Variants in PTPRD observed in about 807,000 individuals in gnomAD.
The protein encoded by PTPRD is receptor-type tyrosine-protein phosphatase delta.
PTPRD carries 34 observed loss-of-function variants against 214.5 expected under a neutral mutation model. The observed-to-expected ratio is 0.16, with a 90% CI of 0.12 to 0.21. The LOEUF is 0.21. Ranked by LOEUF, PTPRD falls within the 10% of genes least tolerant of loss-of-function variation. The pLI, the probability that PTPRD is intolerant of heterozygous loss-of-function variation, is 1.00. For synonymous variants in PTPRD, 1,128 were observed against 845.7 expected (o/e 1.33, Z -5.79); for missense variants, 2,545 against 2,398.7 (o/e 1.06, Z -1.27).
At chr9:10,023,209 T>C (rs1034948131) in intron 4 of PTPRD, among the ~76,000 whole-genome samples, 7 of 152,188 alleles carry the variant, frequency 4.6e-5, no homozygotes, top group African/African-American at 1.4e-4. Flanking sequence ...TTACGACTAA[T>C]CAAATTAGAA....
intron 10 of PTPRD, among the ~76,000 whole-genome samples, chr9:9,100,062 A>T (rs1384837697): frequency 6.6e-6 from 1 of 152,150 alleles, no homozygotes; most frequent in East Asian, 1.9e-4. Flanking sequence ...TCTTTTTGTG[A>T]TGATTATAAT....
chr9:8,825,587 G>A (rs1266429300), intron 11 of PTPRD, among the ~76,000 whole-genome samples: 1 of 152,194 alleles, frequency 6.6e-6, no homozygotes, highest in Non-Finnish European at 1.5e-5. Context: ...AAGTTTAAAA[G>A]AGAGGGTTCT....
At chr9:9,210,668 C>T (rs1258949510) in intron 9 of PTPRD, among the ~76,000 whole-genome samples, 2 of 152,010 alleles carry the variant, frequency 1.3e-5, no homozygotes, top group Non-Finnish European at 2.9e-5. Context: ...AAATGACTTG[C>T]CACATGCCAC....
intron 8 of PTPRD, among the ~76,000 whole-genome samples, chr9:9,482,127 C>A (rs1270984461): frequency 6.6e-6 from 1 of 151,864 alleles, no homozygotes; most frequent in African/African-American, 2.4e-5. Context: ...GAGGTACAGA[C>A]AGGTGGGCGA....
At chr9:10,610,539 C>T (rs1567200509) in intron 2 of PTPRD, among the ~76,000 whole-genome samples, 1 of 151,634 alleles carries the variant, frequency 6.6e-6, no homozygotes, top group Admixed American at 6.6e-5. Flanking sequence ...CAGATAGCCT[C>T]TCGGACATGT....
intron 12 of PTPRD, among the ~76,000 whole-genome samples, chr9:8,683,385 CAA>C (rs78015875): frequency 0.013 from 1,369 of 106,966 alleles, 21 homozygotes; most frequent in African/African-American, 0.033. Context: ...ACTCCTTTCT[CAA>C]AAAAAAAAAA....
intron 8 of PTPRD, among the ~76,000 whole-genome samples, chr9:9,441,441 T>C (rs748646732): frequency 3.3e-5 from 5 of 152,172 alleles, no homozygotes; most frequent in Non-Finnish European, 5.9e-5. Flanking sequence ...TAATGCTGTC[T>C]ATGGAAGTGG....
chr9:8,356,566 A>G (rs1295673079), intron 39 of PTPRD, among the ~76,000 whole-genome samples: 8 of 152,214 alleles, frequency 5.3e-5, no homozygotes, highest in Non-Finnish European at 1.0e-4. Context: ...GGGAAAACTC[A>G]GTGATACCCC....
intron 3 of PTPRD, among the ~76,000 whole-genome samples, chr9:10,181,922 T>A (rs566983145): frequency 5.0e-4 from 61 of 122,526 alleles, no homozygotes; most frequent in African/African-American, 2.0e-3. Flanking sequence ...TTCTTAAATA[T>A]GACTATGTAT....
chr9:8,810,175 T>G (rs1056965273), intron 11 of PTPRD, among the ~76,000 whole-genome samples: 1 of 152,184 alleles, frequency 6.6e-6, no homozygotes, highest in Non-Finnish European at 1.5e-5. Context: ...AAAGCTAGAA[T>G]TGCATAACTC....
At chr9:9,259,626 G>A (rs150924776) in intron 9 of PTPRD, among the ~76,000 whole-genome samples, 20 of 152,030 alleles carry the variant, frequency 1.3e-4, no homozygotes, top group African/African-American at 3.9e-4. Flanking sequence ...AAGCCCATGG[G>A]AAAGTATCAC....
At chr9:8,881,763 G>A (rs1316526425) in intron 11 of PTPRD, among the ~76,000 whole-genome samples, 2 of 152,166 alleles carry the variant, frequency 1.3e-5, no homozygotes, top group Non-Finnish European at 2.9e-5. Context: ...AAGAATGACA[G>A]TCACAGAGAT....
At chr9:8,662,658 T>A (rs1406538053) in intron 12 of PTPRD, among the ~76,000 whole-genome samples, 1 of 152,208 alleles carries the variant, frequency 6.6e-6, no homozygotes, top group African/African-American at 2.4e-5. Flanking sequence ...CAATTCACCA[T>A]AGGCCCCAAT....
rs1473515965 is a variant in PTPRD, at chr9:8,809,436, G to C, written c.-103-75490C>G. The stretch of plus-strand genomic sequence containing the variant: ...AAGGTCTCATAGGCCTAACAGTGGA[G>C]CCAATAACCCAATAACCAACGTCTT... On this transcript the variant is annotated intron_variant, in intron 11 of 45. Transcript: ENST00000381196. 5.3e-5 allele frequency among the ~76,000 whole-genome samples: 8 copies of C among 152,216 alleles called. No individual in the cohort carries two copies. The South Asian group carries it at 1.7e-3, about 32-fold the overall frequency.
intron 7 of PTPRD, among the ~76,000 whole-genome samples, chr9:9,697,962 A>C (rs2097413968): frequency 6.6e-6 from 1 of 152,314 alleles, no homozygotes; most frequent in East Asian, 1.9e-4. Flanking sequence ...TCAGTTCAGC[A>C]AACATATTTC....
intron 3 of PTPRD, among the ~76,000 whole-genome samples, chr9:10,269,371 AT>A (rs2094290908): frequency 6.6e-6 from 1 of 152,158 alleles, no homozygotes; most frequent in Admixed American, 6.5e-5. Flanking sequence ...ATTGAGTAAT[AT>A]TTTTGTTTGT....
At chr9:8,353,218 G>C (rs892044474) in intron 39 of PTPRD, among the ~76,000 whole-genome samples, 4 of 152,082 alleles carry the variant, frequency 2.6e-5, no homozygotes, top group South Asian at 4.1e-4. Flanking sequence ...TTGTCCTTTT[G>C]TTTGACTCCT....
At chr9:8,673,912 C>T (rs1188420142) in intron 12 of PTPRD, among the ~76,000 whole-genome samples, 1 of 152,128 alleles carries the variant, frequency 6.6e-6, no homozygotes, top group African/African-American at 2.4e-5. Flanking sequence ...CCACCCAGTA[C>T]ATGCCAGTAG....
At chr9:8,524,774 TTTAAC>T (rs756706775) in intron 18 of PTPRD, 146 bp downstream of exon 18, 1 of 776,478 alleles carries the variant, frequency 1.3e-6, no homozygotes, top group South Asian at 1.4e-5. Context: ...ATTTTAAATT[TTTAAC>T]TTTTCTATTT....
Sources: gnomAD v4.1 joint callset for allele counts (sites outside exome capture counted in the v4.1 genomes callset) on GRCh38, gnomAD v4.1.1 for gene constraint, MANE v1.5 for transcripts, NCBI Gene and HGNC (gene_info 2026-07-23, HGNC 2026-07-21) for gene names.